FNBP4: variants seen among roughly 807,000 people sequenced by gnomAD.
The protein encoded by FNBP4 is formin-binding protein 4.
FNBP4 carries 34 observed loss-of-function variants against 119.3 expected under a neutral mutation model. That is an observed-to-expected ratio of 0.28 (90% CI 0.22 to 0.38). The LOEUF (loss-of-function observed/expected upper bound fraction) is 0.38. Ranked by LOEUF, FNBP4 falls within the 10% of genes least tolerant of loss-of-function variation. The pLI is 1.00. For synonymous variants in FNBP4, 462 were observed against 430.6 expected (o/e 1.07, Z -0.90); for missense variants, 1,112 against 1,228.9 (o/e 0.90, Z 1.42).
At chr11:47,729,770 A>G in intron 12 of FNBP4, 1 of 985,352 alleles carries the variant, frequency 1.0e-6, no homozygotes, top group Non-Finnish European at 1.2e-6. Flanking sequence ...ACCACCACTG[A>G]GCTGATTAAG....
At chr11:47,764,011 G>A (rs1409624700) in intron 2 of FNBP4, among the ~76,000 whole-genome samples, 1 of 152,200 alleles carries the variant, frequency 6.6e-6, no homozygotes, top group African/African-American at 2.4e-5. Context: ...GTGCAACAGT[G>A]TTGGGAGGTA....
rs866727837 is a variant in FNBP4, at chr11:47,762,589, C to T, written c.313+2681G>A. 2.6e-5 allele frequency among the ~76,000 whole-genome samples: 4 copies of T among 151,986 alleles called. No individual in the cohort carries two copies. The South Asian group carries it at 6.2e-4, about 24-fold the overall frequency. On this transcript the variant is annotated intron_variant, in intron 2 of 16. Transcript: ENST00000263773. The stretch of plus-strand genomic sequence containing the variant: ...CTAGGCCCACAGGTGCTCATCAGCA[C>T]GTCTAGCTAATTTTAAACTTTTTTG...
At position 47,746,221 on chromosome 11, in the gene FNBP4, T is replaced by G. The variant is rs184083336; in HGVS notation, c.1080A>C (p.Thr360=). 6.2e-7 allele frequency: 1 copy of G among 1,614,056 alleles called. No homozygotes were observed. Among genetic ancestry groups the G allele is most frequent in the Admixed American group, 1.7e-5 (1 of 60,000 alleles). ...CTATTGTTGTTGCTTCTTCTACTGT[T>G]GTACTTGTTTCTTTTACTTCTGAAA... The part of the protein sequence containing the change: ...EPVSEVKETS[T]TVEEATTIVK... Residue 360 remains threonine (T), a synonymous_variant, in exon 7 of 17, where the codon ACA becomes ACC. Transcript: ENST00000263773.
At chr11:47,740,888 C>T (rs192933647) in intron 8 of FNBP4, among the ~76,000 whole-genome samples, 9 of 150,080 alleles carry the variant, frequency 6.0e-5, no homozygotes, top group African/African-American at 2.2e-4. Context: ...CTGCACCCAG[C>T]CACATTTTTT....
chr11:47,762,827 C>T (rs971404694), intron 2 of FNBP4, among the ~76,000 whole-genome samples: 6 of 148,948 alleles, frequency 4.0e-5, no homozygotes, highest in Non-Finnish European at 8.9e-5. Flanking sequence ...GGAGAATCGC[C>T]GGAGCCCAGG....
chr11:47,754,377 G>A lies in FNBP4; in HGVS notation c.450+151C>T, dbSNP rs542439046. On this transcript the variant is annotated intron_variant, in intron 3 of 16. Transcript: ENST00000263773. ...AGTTAAACAAAACAAAACAAAAAGA[G>A]AGATAGAGATCGGGAGAAATACAAG... 4.0e-6 allele frequency: 3 copies of A among 754,340 alleles called. No homozygotes were observed. The African/African-American group carries it at 5.4e-5, about 13-fold the overall frequency. The allele number at this position is 754,340 out of a possible 1,614,324, so 46.7% of individuals were successfully genotyped here. A position where few individuals can be genotyped will look rare whatever the true frequency, so the allele number is the denominator to read the frequency against.
At chr11:47,747,933 G>A (rs1030789325) in intron 6 of FNBP4, among the ~76,000 whole-genome samples, 2 of 151,006 alleles carry the variant, frequency 1.3e-5, no homozygotes, top group African/African-American at 4.9e-5. Context: ...GGATGACAGT[G>A]TGAGAGACTG....
At chr11:47,717,593 CTG>C in intron 16 of FNBP4, 81 bp from the exon 17 acceptor site, 5 of 1,092,376 alleles carry the variant, frequency 4.6e-6, no homozygotes, top group Non-Finnish European at 6.8e-6. Flanking sequence ...AAAAATCTAA[CTG>C]AAATTAAAAA....
At chr11:47,754,828 G>A (rs555719471) in intron 2 of FNBP4, among the ~76,000 whole-genome samples, 164 bp from the exon 3 acceptor site, 11 of 151,992 alleles carry the variant, frequency 7.2e-5, no homozygotes, top group African/African-American at 2.4e-4. Context: ...AAATTACATC[G>A]TATGGTTAAA....
chr11:47,717,319 C>A lies in FNBP4; in HGVS notation c.*103G>T, dbSNP rs2097550991. On this transcript the variant is annotated 3_prime_UTR_variant, in exon 17 of 17. Coordinates refer to ENST00000263773, the MANE Select transcript of FNBP4 (RefSeq NM_015308.5). ...CTCTTGCCCAGGAAATTTATAAGAT[C>A]TCCCCCATAACATTTATAGTTTATT... The A allele has an allele frequency of 1.4e-6, 1 of 725,422 alleles. No individual in the cohort carries two copies. The highest frequency in any genetic ancestry group is 2.2e-6 in the Non-Finnish European group (1 of 445,904). 44.9% of individuals were successfully genotyped at this position (725,422 alleles called of 1,614,324 possible).
Position 47,765,255 on chromosome 11 carries a change from A to G in FNBP4, c.313+15T>C. The G allele has an allele frequency of 6.3e-7, 1 of 1,575,402 alleles. No individual in the cohort carries two copies. Among genetic ancestry groups the G allele is most frequent in the Admixed American group, 1.9e-5 (1 of 52,252 alleles). ...ACGTGGGAGAAAAAATGTAAAAAAC[A>G]AAACAAAAGCATACCTGTTGCTTTA... On this transcript the variant is annotated intron_variant, in intron 2 of 16. Coordinates refer to ENST00000263773, the MANE Select transcript of FNBP4 (RefSeq NM_015308.5).
intron 14 of FNBP4, 46 bp from the exon 15 acceptor site, chr11:47,723,362 C>T (rs1165675041): frequency 6.5e-7 from 1 of 1,545,414 alleles, no homozygotes; most frequent in Non-Finnish European, 8.7e-7. Flanking sequence ...GACATCATGA[C>T]AAGAACAGAT....
intron 6 of FNBP4, among the ~76,000 whole-genome samples, chr11:47,749,963 T>TA (rs1365069264): frequency 6.6e-6 from 1 of 152,164 alleles, no homozygotes; most frequent in Non-Finnish European, 1.5e-5. Context: ...AAATGTCTTA[T>TA]ATATGGAATC....
At chr11:47,741,436 ATAT>A (rs1277410945) in intron 8 of FNBP4, among the ~76,000 whole-genome samples, 1 of 151,676 alleles carries the variant, frequency 6.6e-6, no homozygotes, top group Non-Finnish European at 1.5e-5. Context: ...CCGAAAGTAA[ATAT>A]TATTGTTTCT....
chr11:47,766,450 A>C (rs896475357), intron 1 of FNBP4, among the ~76,000 whole-genome samples: 2 of 152,216 alleles, frequency 1.3e-5, no homozygotes, highest in Non-Finnish European at 2.9e-5. Context: ...GATTTTTTCC[A>C]ATTAACGAAC....
intron 9 of FNBP4, among the ~76,000 whole-genome samples, chr11:47,736,317 G>A (rs1038488319): frequency 2.0e-5 from 3 of 151,932 alleles, no homozygotes; most frequent in Non-Finnish European, 4.4e-5. Flanking sequence ...AGCACTTTGG[G>A]AGGCCAAGGT....
At chr11:47,757,179 C>T (rs1462259453) in intron 2 of FNBP4, among the ~76,000 whole-genome samples, 1 of 152,154 alleles carries the variant, frequency 6.6e-6, no homozygotes, top group Non-Finnish European at 1.5e-5. Flanking sequence ...AAAAGCGTTC[C>T]TATTTCTCCA....
intron 8 of FNBP4, among the ~76,000 whole-genome samples, chr11:47,741,915 A>G (rs2135170742): frequency 6.6e-6 from 1 of 152,262 alleles, no homozygotes; most frequent in Admixed American, 6.5e-5. Flanking sequence ...GCACAAATGC[A>G]GCAATTTTTT....
chr11:47,730,754 T>G (rs1026535766), intron 12 of FNBP4, among the ~76,000 whole-genome samples: 1 of 152,216 alleles, frequency 6.6e-6, no homozygotes, highest in East Asian at 1.9e-4. Context: ...AAAGCCTATC[T>G]TTTAAAAAAT....
Sources: allele counts gnomAD v4.1 joint callset (sites outside exome capture counted in the v4.1 genomes callset), GRCh38; gene constraint gnomAD v4.1.1; transcripts MANE v1.5; gene names NCBI Gene and HGNC (gene_info 2026-07-23, HGNC 2026-07-21).